The following GANC variants were observed in gnomAD, a reference collection of about 807,000 sequenced individuals.
GANC encodes neutral alpha-glucosidase C.
In GANC, 117 loss-of-function variants were observed where a neutral mutation model predicts 124.2. That is an observed-to-expected ratio of 0.94 (90% CI 0.81 to 1.10). The LOEUF (loss-of-function observed/expected upper bound fraction) is 1.10. Ranked by LOEUF, GANC falls within the 50% of genes least tolerant of loss-of-function variation. GANC has a pLI of 0.00. For synonymous variants in GANC, 377 were observed against 376.8 expected (o/e 1.00, Z -0.01); for missense variants, 1,140 against 1,095.0 (o/e 1.04, Z -0.58).
At chr15:42,349,624 G>A (rs762542555) in intron 22 of GANC, 129 bp downstream of exon 22, 22 of 637,806 alleles carry the variant, frequency 3.4e-5, no homozygotes, top group Middle Eastern at 3.2e-4. Context: ...GGCCGTTTCC[G>A]GAATATTTTT....
intron 10 of GANC, 127 bp downstream of exon 10, chr15:42,310,973 G>A: frequency 9.6e-7 from 1 of 1,040,352 alleles, no homozygotes; most frequent in Non-Finnish European, 1.4e-6. Flanking sequence ...ATTTTAATTA[G>A]CAAGCATTTC....
intron 15 of GANC, among the ~76,000 whole-genome samples, chr15:42,337,035 G>T (rs1308766731): frequency 6.6e-6 from 1 of 152,206 alleles, no homozygotes; most frequent in African/African-American, 2.4e-5. Context: ...ACTGCTGGTA[G>T]GAGTGTAAAA....
chr15:42,306,429 A>G lies in GANC; in HGVS notation c.559-117A>G. On this transcript the variant is annotated intron_variant, in intron 6 of 23. Transcript: ENST00000318010. ...CTGACGTCACACACTGGTCTTCTAA[A>G]AGATGAACTCACTTTCTCAGTCTTT... 4 of 780,444 alleles carry G rather than the reference A, an allele frequency of 5.1e-6. 1 individual carries two copies. The highest frequency in any genetic ancestry group is 3.7e-5 in the South Asian group (2 of 53,832). 48.3% of individuals were successfully genotyped at this position (780,444 alleles called of 1,614,324 possible).
rs918787354 is a variant in GANC, at chr15:42,295,782, A to G, written c.513-1829A>G. On this transcript the variant is annotated intron_variant, in intron 5 of 23. Coordinates refer to ENST00000318010, the MANE Select transcript of GANC (RefSeq NM_198141.3). ...TACTCCATCCTAACAATGACTAAAA[A>G]GCTCAACAAATCAGTTTTTGCCTTA... 2.6e-5 allele frequency among the ~76,000 whole-genome samples: 4 copies of G among 152,288 alleles called. No individual in the cohort carries two copies. In the South Asian group the frequency reaches 6.2e-4, roughly 24 times the overall value.
intron 18 of GANC, among the ~76,000 whole-genome samples, chr15:42,341,545 G>A (rs2052329336): frequency 6.6e-6 from 1 of 151,756 alleles, no homozygotes; most frequent in Non-Finnish European, 1.5e-5. Context: ...TCCCCAAAGG[G>A]TGACTCTCAT....
At chr15:42,310,131 G>A in intron 8 of GANC, 152 bp from the exon 9 acceptor site, 1 of 516,006 alleles carries the variant, frequency 1.9e-6, no homozygotes, top group Non-Finnish European at 3.3e-6. Flanking sequence ...GTTCACCTAA[G>A]TTGGGTCAGG....
At position 42,340,695 on chromosome 15, in the gene GANC, T is replaced by C; in HGVS notation, c.2093T>C (p.Leu698Pro). The C allele has an allele frequency of 1.2e-6, 2 of 1,604,380 alleles. No homozygotes were observed. Among genetic ancestry groups the C allele is most frequent in the East Asian group, 2.2e-5 (1 of 44,762 alleles). Reference sequence around the variant, plus strand: ...AATTTTTTTTCTTTCCCCAGGCCTCTGTGGGTAGAGTTCCCTGATGAACTA... The same window carrying C: ...AATTTTTTTTCTTTCCCCAGGCCTCCGTGGGTAGAGTTCCCTGATGAACTA... ...HVASQPVMRPLWVEFPDELKT... is the reference protein window; with the variant it reads ...HVASQPVMRPPWVEFPDELKT... The change falls in exon 18 of 24, where the codon CTG becomes CCG. Residue 698 changes from leucine to proline, a missense_variant. Leu to Pro is a moderately conservative substitution (Grantham distance 98). Transcript: ENST00000318010.
chr15:42,320,584 G>T (rs1160385748), intron 10 of GANC, among the ~76,000 whole-genome samples: 1 of 152,086 alleles, frequency 6.6e-6, no homozygotes, highest in Non-Finnish European at 1.5e-5. Flanking sequence ...AAGTAGTGGG[G>T]ACTACAGGTG....
intron 11 of GANC, among the ~76,000 whole-genome samples, chr15:42,326,038 G>A (rs2052195774): frequency 6.6e-6 from 1 of 152,224 alleles, no homozygotes; most frequent in African/African-American, 2.4e-5. Flanking sequence ...GATTGCAGGT[G>A]TGAGCCGCTG....
intron 19 of GANC, among the ~76,000 whole-genome samples, chr15:42,343,844 G>T (rs1490578290): frequency 6.6e-6 from 1 of 152,118 alleles, no homozygotes; most frequent in Non-Finnish European, 1.5e-5. Context: ...CAAAACTCAG[G>T]TCACCAGACT....
chr15:42,326,161 T>A, intron 11 of GANC, 137 bp from the exon 12 acceptor site: 1 of 649,332 alleles, frequency 1.5e-6, no homozygotes, highest in Non-Finnish European at 2.7e-6. Flanking sequence ...TTTGTTTTTG[T>A]TTTTTTGTCT....
rs141380092 is a variant in GANC at position 42,279,102 on chromosome 15, A to G, written c.201+512A>G. Among the ~76,000 whole-genome samples, 813 of 152,368 alleles carry G rather than the reference A, an allele frequency of 5.3e-3. 9 individuals are homozygous for G. Among genetic ancestry groups the G allele is most frequent in the African/African-American group, 0.019 (785 of 41,586 alleles). On this transcript the variant is annotated intron_variant, in intron 3 of 23. Transcript: ENST00000318010. The stretch of plus-strand genomic sequence containing the variant: ...AGTATATAGATTGCCTGTGTATCAG[A>G]TGTTTTCCTAAATGTCTTACAAATA...
chr15:42,283,569 A>G, intron 3 of GANC: 1 of 690,570 alleles, frequency 1.4e-6, no homozygotes, highest in Non-Finnish European at 2.6e-6. Context: ...CTTTCTCATG[A>G]TATAGGTGAC....
intron 3 of GANC, among the ~76,000 whole-genome samples, chr15:42,282,765 A>G (rs1437411385): frequency 6.6e-6 from 1 of 152,204 alleles, no homozygotes; most frequent in East Asian, 1.9e-4. Context: ...GCCATAACCA[A>G]ATATCACAGG....
At chr15:42,301,244 G>A (rs112247070) in intron 6 of GANC, among the ~76,000 whole-genome samples, 9,860 of 152,114 alleles carry the variant, frequency 0.065, 407 homozygotes, top group South Asian at 0.16. Flanking sequence ...TGCCTCACCC[G>A]GGAAGCACAA....
chr15:42,308,566 C>T (rs1054279025), intron 8 of GANC, among the ~76,000 whole-genome samples: 1 of 152,194 alleles, frequency 6.6e-6, no homozygotes, highest in African/African-American at 2.4e-5. Flanking sequence ...TCACTGCAAG[C>T]TCCACCTCCA....
At chr15:42,350,776 G>A (rs1021984210) in intron 22 of GANC, among the ~76,000 whole-genome samples, 14 of 151,366 alleles carry the variant, frequency 9.2e-5, no homozygotes, top group African/African-American at 2.9e-4. Flanking sequence ...GGCTGGTCTC[G>A]AACTCCTGAC....
chr15:42,350,616 G>A (rs191767784), intron 22 of GANC, among the ~76,000 whole-genome samples: 1 of 140,004 alleles, frequency 7.1e-6, no homozygotes, highest in Non-Finnish European at 1.5e-5. Context: ...GCAGTGGCAT[G>A]ATCTCAGCTC....
Position 42,330,669 on chromosome 15 carries a change from T to C in GANC, c.1738T>C (p.Tyr580His), listed in dbSNP as rs2052236468. 6.2e-7 allele frequency: 1 copy of C among 1,603,914 alleles called. No homozygotes were observed. Among genetic ancestry groups the C allele is most frequent in the Non-Finnish European group, 8.5e-7 (1 of 1,175,706 alleles). The change falls in exon 15 of 24, where the codon TAT (tyrosine) becomes CAT (histidine). Residue 580 changes from tyrosine to histidine, a missense_variant. Transcript: ENST00000318010. ...TRSFFAGSQK[Y>H]GAVWTGDNTA... ...TTCTTTCTTTGCTGGATCACAAAAG[T>C]ATGGTAAGGAATGGCTCATATCAGA...
Sources: gnomAD v4.1 joint callset for allele counts (sites outside exome capture counted in the v4.1 genomes callset) on GRCh38, gnomAD v4.1.1 for gene constraint, MANE v1.5 for transcripts, NCBI Gene and HGNC (gene_info 2026-07-23, HGNC 2026-07-21) for gene names.